Variants in SCYL2 observed in about 807,000 individuals in gnomAD.
SCYL2 encodes SCY1-like protein 2.
Under a neutral mutation model 100.4 loss-of-function variants are expected in SCYL2, and 36 were observed. The ratio of observed to expected loss-of-function variants is 0.36; its 90% CI spans 0.27 to 0.47. The LOEUF (loss-of-function observed/expected upper bound fraction) is 0.47. SCYL2 is among the 20% of genes least tolerant of loss of function. The pLI is 1.00. For missense variants in SCYL2, 902 were observed against 1,083.9 expected (o/e 0.83, Z 2.36); for synonymous variants, 330 against 359.2 (o/e 0.92, Z 0.92).
intron 3 of SCYL2, among the ~76,000 whole-genome samples, chr12:100,294,646 T>TGCC (rs2096316025): frequency 9.3e-6 from 1 of 107,566 alleles, no homozygotes. Context: ...TAGGGGTGGC[T>TGCC]GGGCAGAGGC....
chr12:100,288,983 A>G (rs998212938), intron 2 of SCYL2, among the ~76,000 whole-genome samples: 1 of 152,094 alleles, frequency 6.6e-6, no homozygotes, highest in Non-Finnish European at 1.5e-5. Context: ...CAAAGATTAC[A>G]GGCGTGAGCT....
intron 9 of SCYL2, 41 bp from the exon 10 acceptor site, chr12:100,317,762 A>G (rs1470714615): frequency 1.3e-6 from 2 of 1,557,632 alleles, no homozygotes; most frequent in Non-Finnish European, 1.7e-6. Context: ...AATCTTTTAA[A>G]GATTCCAGGT....
chr12:100,309,133 T>TGTGTGCGC (rs1442815826), intron 4 of SCYL2, among the ~76,000 whole-genome samples: 28 of 150,016 alleles, frequency 1.9e-4, no homozygotes, highest in Non-Finnish European at 3.7e-4. Context: ...TGTGTGTGTG[T>TGTGTGCGC]GCGCGCGCGT....
intron 17 of SCYL2, 152 bp downstream of exon 17, chr12:100,337,658 C>T (rs979433483): frequency 2.6e-6 from 2 of 758,852 alleles, no homozygotes; most frequent in Non-Finnish European, 4.2e-6. Flanking sequence ...AAATGATTTT[C>T]CAACTCAGCT....
intron 3 of SCYL2, among the ~76,000 whole-genome samples, chr12:100,294,058 G>A (rs1332040867): frequency 3.4e-5 from 5 of 148,760 alleles, no homozygotes; most frequent in African/African-American, 7.4e-5. Flanking sequence ...CCTCCCAGAC[G>A]GGGTGGTGGC....
In SCYL2 at chr12:100,283,374, T is replaced by C. The variant is rs117553875; in HGVS notation, c.177+227T>C. ...TACTGTTTGACATACCATATCATCTTGAAATATAATTTTGCTTACTTAATA... is the reference window on the plus strand; with the variant it reads ...TACTGTTTGACATACCATATCATCTCGAAATATAATTTTGCTTACTTAATA... On this transcript the variant is annotated intron_variant, in intron 2 of 17. Transcript: ENST00000360820. Among the ~76,000 whole-genome samples the C allele has an allele frequency of 5.1e-3, 770 of 152,360 alleles. 3 individuals carry two copies. Among genetic ancestry groups the C allele is most frequent in the Non-Finnish European group, 8.4e-3 (574 of 68,030 alleles).
At chr12:100,335,291 A>G (rs1410216179) in intron 14 of SCYL2, among the ~76,000 whole-genome samples, 1 of 152,094 alleles carries the variant, frequency 6.6e-6, no homozygotes, top group East Asian at 1.9e-4. Context: ...TCACAGACTC[A>G]GAACTTAATC....
chr12:100,335,247 C>G lies in SCYL2; in HGVS notation c.1863-378C>G, dbSNP rs1354311338. Among the ~76,000 whole-genome samples the G allele has an allele frequency of 4.6e-5, 7 of 152,184 alleles. No individual in the cohort carries two copies. In the East Asian group the frequency reaches 1.2e-3, roughly 25 times the overall value. ...TATTTCTCAGGACATAGATCTGGCT[C>G]ACATAACAGTGATTATAGCATTCAT... On this transcript the variant is annotated intron_variant, in intron 14 of 17. Transcript: ENST00000360820.
intron 4 of SCYL2, among the ~76,000 whole-genome samples, chr12:100,303,183 G>A (rs985462889): frequency 2.0e-5 from 3 of 151,982 alleles, no homozygotes; most frequent in African/African-American, 7.3e-5. Flanking sequence ...CCTTGCATTG[G>A]GTTAGAACAT....
At chr12:100,320,016 G>A (rs745797025) in intron 10 of SCYL2, among the ~76,000 whole-genome samples, 1 of 152,172 alleles carries the variant, frequency 6.6e-6, no homozygotes, top group Non-Finnish European at 1.5e-5. Context: ...TTTGCAAAAG[G>A]TAGGATTCTT....
chr12:100,294,239 G>C (rs2096314475), intron 3 of SCYL2, among the ~76,000 whole-genome samples: 1 of 141,138 alleles, frequency 7.1e-6, no homozygotes, highest in Non-Finnish European at 1.6e-5. Flanking sequence ...GGATGGGGTG[G>C]CTGGCCAGGT....
At chr12:100,283,197 C>CATAAA in intron 2 of SCYL2, 50 bp downstream of exon 2, 1 of 1,445,010 alleles carries the variant, frequency 6.9e-7, no homozygotes, top group East Asian at 2.4e-5. Context: ...TGCTAAGAAC[C>CATAAA]ATAAAATGCA....
At chr12:100,332,254 CTCT>C (rs1592970813) in intron 13 of SCYL2, among the ~76,000 whole-genome samples, 1 of 152,146 alleles carries the variant, frequency 6.6e-6, no homozygotes, top group Non-Finnish European at 1.5e-5. Flanking sequence ...AAGTAACACC[CTCT>C]GCCTGGCATG....
At chr12:100,326,065 G>A (rs2135926323) in intron 11 of SCYL2, among the ~76,000 whole-genome samples, 2 of 152,150 alleles carry the variant, frequency 1.3e-5, no homozygotes, top group East Asian at 3.9e-4. Context: ...AGTAGGGTAT[G>A]ATGTATTTAT....
chr12:100,323,417 T>G (rs933484276), intron 10 of SCYL2, 108 bp from the exon 11 acceptor site: 1 of 661,720 alleles, frequency 1.5e-6, no homozygotes, highest in African/African-American at 1.9e-5. Flanking sequence ...ATATGAAAAT[T>G]TGTTTCAAAC....
intron 4 of SCYL2, among the ~76,000 whole-genome samples, chr12:100,305,404 A>G (rs1256002174): frequency 2.6e-5 from 4 of 152,248 alleles, no homozygotes; most frequent in Non-Finnish European, 5.9e-5. Context: ...CTGAATGACT[A>G]CTGGGTAAAT....
intron 14 of SCYL2, among the ~76,000 whole-genome samples, chr12:100,335,247 C>T (rs1354311338): frequency 6.6e-6 from 1 of 152,066 alleles, no homozygotes; most frequent in Non-Finnish European, 1.5e-5. Context: ...AGATCTGGCT[C>T]ACATAACAGT....
At chr12:100,280,510 C>T (rs986531751) in intron 1 of SCYL2, among the ~76,000 whole-genome samples, 3 of 152,126 alleles carry the variant, frequency 2.0e-5, no homozygotes, top group Non-Finnish European at 2.9e-5. Flanking sequence ...TGCAGACATT[C>T]TAGTTTGAAG....
chr12:100,294,708 C>G (rs1289733778), intron 3 of SCYL2, among the ~76,000 whole-genome samples: 1 of 128,816 alleles, frequency 7.8e-6, no homozygotes, highest in Non-Finnish European at 1.6e-5. Flanking sequence ...CTGACCCCCC[C>G]ACCTCCCTCC....
Sources: gnomAD v4.1 joint callset for allele counts (sites outside exome capture counted in the v4.1 genomes callset) on GRCh38, gnomAD v4.1.1 for gene constraint, MANE v1.5 for transcripts, NCBI Gene and HGNC (gene_info 2026-07-23, HGNC 2026-07-21) for gene names.